Variants in FAT3 observed in about 807,000 individuals in gnomAD.
FAT3 encodes the protein FAT atypical cadherin 3.
In FAT3, 95 loss-of-function variants were observed where a neutral mutation model predicts 310.2. The observed-to-expected ratio is 0.31, with a 90% CI of 0.26 to 0.36. The LOEUF (loss-of-function observed/expected upper bound fraction) is 0.36, where lower values mean the gene tolerates loss of function less well. Ranked by LOEUF, FAT3 falls within the 10% of genes least tolerant of loss-of-function variation. FAT3 has a pLI of 1.00. For missense variants in FAT3, 5,408 were observed against 5,715.6 expected (o/e 0.95, Z 1.74); for synonymous variants, 2,314 against 2,192.9 (o/e 1.06, Z -1.54).
At chr11:92,388,305 AG>A (rs1949673748) in intron 2 of FAT3, among the ~76,000 whole-genome samples, 1 of 152,064 alleles carries the variant, frequency 6.6e-6, no homozygotes, top group South Asian at 2.1e-4. Context: ...TTACATGGTC[AG>A]GTCATTTTAA....
At chr11:92,553,263 A>G (rs1303910039) in intron 3 of FAT3, among the ~76,000 whole-genome samples, 1 of 152,196 alleles carries the variant, frequency 6.6e-6, no homozygotes, top group Non-Finnish European at 1.5e-5. Context: ...CATATATAAG[A>G]TATTTTCTAT....
At chr11:92,279,820 C>T (rs964552249) in intron 1 of FAT3, among the ~76,000 whole-genome samples, 5 of 152,044 alleles carry the variant, frequency 3.3e-5, no homozygotes, top group African/African-American at 9.7e-5. Context: ...CATTGACCAA[C>T]CTCACAAAAA....
At chr11:92,554,921 A>G (rs765563036) in intron 3 of FAT3, among the ~76,000 whole-genome samples, 59 of 152,326 alleles carry the variant, frequency 3.9e-4, no homozygotes, top group South Asian at 4.1e-4. Context: ...CTGCGAGAGA[A>G]GATGCCACTG....
intron 4 of FAT3, among the ~76,000 whole-genome samples, chr11:92,750,110 G>A (rs1945789919): frequency 1.3e-5 from 2 of 152,132 alleles, no homozygotes; most frequent in South Asian, 4.2e-4. Context: ...TGCTGCGTGT[G>A]GTTGGATATT....
chr11:92,853,252 G>A (rs565003314), intron 19 of FAT3, among the ~76,000 whole-genome samples: 16 of 152,350 alleles, frequency 1.1e-4, no homozygotes, highest in African/African-American at 2.6e-4. Context: ...AGCTCCAGGC[G>A]CCAGCTCAGG....
At chr11:92,760,842 TTATG>T (rs1056862715) in intron 4 of FAT3, among the ~76,000 whole-genome samples, 11 of 152,270 alleles carry the variant, frequency 7.2e-5, no homozygotes, top group African/African-American at 2.6e-4. Context: ...TCTGTGAAAA[TTATG>T]TATGTGCTCT....
intron 3 of FAT3, among the ~76,000 whole-genome samples, chr11:92,611,118 TTCTC>T (rs776194648): frequency 1.3e-5 from 2 of 152,012 alleles, no homozygotes; most frequent in Non-Finnish European, 2.9e-5. Context: ...AGTGACTATC[TTCTC>T]TCTATTTATT....
At chr11:92,467,743 T>C (rs1470671411) in intron 2 of FAT3, among the ~76,000 whole-genome samples, 1 of 152,198 alleles carries the variant, frequency 6.6e-6, no homozygotes, top group Non-Finnish European at 1.5e-5. Context: ...TGCCATGTTC[T>C]TCTAATATGG....
At chr11:92,321,646 A>G (rs1947623204) in intron 1 of FAT3, among the ~76,000 whole-genome samples, 1 of 152,248 alleles carries the variant, frequency 6.6e-6, no homozygotes, top group South Asian at 2.1e-4. Flanking sequence ...CATAAACACT[A>G]TTATGCAGCA....
In FAT3 at chr11:92,801,126, T is replaced by C. The variant is rs1256941466; in HGVS notation, c.8113T>C (p.Leu2705=). Residue 2705 remains leucine, a synonymous_variant, in exon 10 of 28, where the codon TTG becomes CTG. Transcript: ENST00000525166. The part of the protein sequence containing the change: ...YIHVLPPETF[L]PSFTQSQYSF... Reference sequence around the variant, plus strand: ...CCACGTCTTGCCCCCTGAAACGTTCTTGCCATCATTCACCCAGTCTCAGTA... The same window carrying C: ...CCACGTCTTGCCCCCTGAAACGTTCCTGCCATCATTCACCCAGTCTCAGTA... 4 of 1,613,990 alleles carry C rather than the reference T, an allele frequency of 2.5e-6. No homozygotes were observed. Among genetic ancestry groups the C allele is most frequent in the Non-Finnish European group, 3.4e-6 (4 of 1,179,882 alleles).
intron 4 of FAT3, among the ~76,000 whole-genome samples, chr11:92,743,744 A>G (rs896174386): frequency 2.0e-5 from 3 of 152,250 alleles, no homozygotes; most frequent in Admixed American, 6.5e-5. Flanking sequence ...CCTTGAAGAA[A>G]TGATTGGATC....
At chr11:92,755,214 T>TG (rs1945956552) in intron 4 of FAT3, among the ~76,000 whole-genome samples, 1 of 148,042 alleles carries the variant, frequency 6.8e-6, no homozygotes, top group African/African-American at 2.5e-5. Context: ...AAGAGAGTAG[T>TG]TTTTGTTTGT....
intron 2 of FAT3, among the ~76,000 whole-genome samples, chr11:92,442,267 C>T (rs1262565649): frequency 1.3e-5 from 2 of 148,858 alleles, no homozygotes; most frequent in Non-Finnish European, 3.0e-5. Context: ...GCACCCGCCA[C>T]CACGCCCGGC....
At chr11:92,424,728 G>C (rs1017611273) in intron 2 of FAT3, among the ~76,000 whole-genome samples, 1 of 152,208 alleles carries the variant, frequency 6.6e-6, no homozygotes, top group East Asian at 1.9e-4. Flanking sequence ...TTATTGACAT[G>C]ATATTCAACC....
intron 2 of FAT3, among the ~76,000 whole-genome samples, chr11:92,505,122 G>A (rs1953058974): frequency 6.6e-6 from 1 of 152,088 alleles, no homozygotes; most frequent in Non-Finnish European, 1.5e-5. Flanking sequence ...GGGAGATGAG[G>A]TAGGACAGAA....
intron 22 of FAT3, among the ~76,000 whole-genome samples, chr11:92,878,067 T>C (rs1016221573): frequency 6.6e-6 from 1 of 152,130 alleles, no homozygotes; most frequent in Admixed American, 6.5e-5. Flanking sequence ...TGCACATACA[T>C]GTATGTGGAG....
chr11:92,505,984 T>A (rs1953087965), intron 2 of FAT3, among the ~76,000 whole-genome samples: 1 of 152,100 alleles, frequency 6.6e-6, no homozygotes, highest in South Asian at 2.1e-4. Context: ...AACACCATAA[T>A]TAAGGTCACG....
intron 2 of FAT3, among the ~76,000 whole-genome samples, chr11:92,425,785 G>C (rs1442346084): frequency 6.6e-6 from 1 of 152,142 alleles, no homozygotes; most frequent in African/African-American, 2.4e-5. Context: ...GTCTATCACT[G>C]ATGGGCATTT....
intron 18 of FAT3, among the ~76,000 whole-genome samples, chr11:92,843,349 C>G (rs557950244): frequency 4.6e-5 from 7 of 152,334 alleles, no homozygotes; most frequent in South Asian, 2.1e-4. Flanking sequence ...CAGTAAAGAC[C>G]TGTTGCCAGA....
Sources: allele counts gnomAD v4.1 joint callset (sites outside exome capture counted in the v4.1 genomes callset), GRCh38; gene constraint gnomAD v4.1.1; transcripts MANE v1.5; gene names NCBI Gene and HGNC (gene_info 2026-07-23, HGNC 2026-07-21).